Variants in SCAF8 observed in about 807,000 individuals in gnomAD.
SCAF8 encodes SR-related CTD associated factor 8.
SCAF8 carries 23 observed loss-of-function variants against 140.5 expected under a neutral mutation model. The ratio of observed to expected loss-of-function variants is 0.16; its 90% CI spans 0.12 to 0.23. The LOEUF (loss-of-function observed/expected upper bound fraction) is 0.23, where lower values mean the gene tolerates loss of function less well. Among genes scored for constraint, SCAF8 ranks in the 10% least tolerant of loss-of-function variants. SCAF8 has a pLI of 1.00. For missense variants in SCAF8, 1,397 were observed against 1,555.7 expected, an observed-to-expected ratio of 0.90 and a Z score of 1.72; for synonymous variants, 575 against 528.9, an observed-to-expected ratio of 1.09 and a Z score of -1.20.
chr6:154,794,759 T>G (rs1404174066), intron 5 of SCAF8, among the ~76,000 whole-genome samples: 11 of 9,878 alleles, frequency 1.1e-3, no homozygotes, highest in Non-Finnish European at 1.5e-3. Context: ...ATCCTTTTGG[T>G]GGGGGGGGGG....
intron 1 of SCAF8, among the ~76,000 whole-genome samples, chr6:154,768,187 T>C (rs1052325035): frequency 6.6e-6 from 1 of 152,152 alleles, no homozygotes; most frequent in Non-Finnish European, 1.5e-5. Flanking sequence ...CTTGAAAAGG[T>C]GGGCAACTGC....
At chr6:154,748,157 A>G (rs182443637) in intron 1 of SCAF8, among the ~76,000 whole-genome samples, 17 of 152,194 alleles carry the variant, frequency 1.1e-4, no homozygotes, top group East Asian at 7.7e-4. Context: ...TATGATTTCA[A>G]TGTGTTACTG....
chr6:154,766,850 A>G (rs1227107836), intron 1 of SCAF8, among the ~76,000 whole-genome samples: 2 of 151,924 alleles, frequency 1.3e-5, no homozygotes, highest in Non-Finnish European at 2.9e-5. Context: ...GTGGTATAAT[A>G]CTTCCAGACT....
chr6:154,771,114 G>C (rs1309864111), intron 1 of SCAF8, among the ~76,000 whole-genome samples: 1 of 152,182 alleles, frequency 6.6e-6, no homozygotes, highest in Non-Finnish European at 1.5e-5. Context: ...CTGTCAGTCA[G>C]CATCACCCTG....
chr6:154,778,448 C>T (rs1163078389), intron 3 of SCAF8, among the ~76,000 whole-genome samples: 4 of 151,952 alleles, frequency 2.6e-5, no homozygotes, highest in Non-Finnish European at 5.9e-5. Flanking sequence ...TTTTAAAATT[C>T]TTGTTTTCTC....
intron 3 of SCAF8, among the ~76,000 whole-genome samples, chr6:154,785,319 A>G (rs1777220655): frequency 6.6e-6 from 1 of 152,204 alleles, no homozygotes; most frequent in South Asian, 2.1e-4. Context: ...TACATATGTA[A>G]GGTAATAAAT....
chr6:154,781,413 C>T (rs1554260336), intron 3 of SCAF8, among the ~76,000 whole-genome samples: 1 of 152,142 alleles, frequency 6.6e-6, no homozygotes, highest in Non-Finnish European at 1.5e-5. Context: ...GGCCATACTG[C>T]CCAAAGTAAT....
chr6:154,832,743 A>G lies in SCAF8; in HGVS notation c.3164A>G (p.Asp1055Gly), dbSNP rs61750854. ...PREGPGRPPLDGRDHFGRPPV... is the reference protein window; with the variant it reads ...PREGPGRPPLGGRDHFGRPPV... ...GAAGGTCCTGGACGGCCTCCACTAG[A>G]TGGTAGGGATCATTTTGGAAGACCT... Residue 1055 changes from aspartate (D) to glycine (G), a missense_variant, in exon 20 of 20, where the codon GAT (aspartate) becomes GGT (glycine). Asp to Gly is a moderately conservative substitution (Grantham distance 94). This residue lies in a region of SCAF8 where 930 missense variants were observed against 874.6 expected (regional missense o/e 1.06). Coordinates refer to ENST00000367178, the MANE Select transcript of SCAF8 (RefSeq NM_014892.5). 30 of 1,613,794 alleles carry G rather than the reference A, an allele frequency of 1.9e-5. No homozygotes were observed. In the Middle Eastern group the frequency reaches 9.9e-4, roughly 53 times the overall value.
chr6:154,739,389 A>G (rs1314441666), intron 1 of SCAF8, among the ~76,000 whole-genome samples: 1 of 152,258 alleles, frequency 6.6e-6, no homozygotes, highest in Non-Finnish European at 1.5e-5. Context: ...TAAATCTTTA[A>G]TATAATAAAA....
Position 154,828,898 on chromosome 6 carries a change from T to TTTTCA in SCAF8, c.2140+1662_2140+1666dup, listed in dbSNP as rs372829661. Among the ~76,000 whole-genome samples the TTTTCA allele has an allele frequency of 2.9e-3, 435 of 152,366 alleles. 3 individuals carry two copies. The highest frequency in any genetic ancestry group is 0.01 in the African/African-American group (425 of 41,582). On this transcript the variant is annotated intron_variant, in intron 18 of 19. Transcript: ENST00000367178. Reference sequence around the variant, plus strand: ...ATACTGAAAACAGTAACGTGATTGCTTTTCATTTTCATACAATATAGACAT... The same window carrying TTTTCA: ...ATACTGAAAACAGTAACGTGATTGCTTTTCATTTCATTTTCATACAATATAGACAT...
intron 1 of SCAF8, among the ~76,000 whole-genome samples, chr6:154,757,285 G>T (rs368437836): frequency 6.6e-6 from 1 of 152,126 alleles, no homozygotes; most frequent in Non-Finnish European, 1.5e-5. Flanking sequence ...ATGAGCCACC[G>T]TGCCCAGCCA....
chr6:154,801,323 T>A (rs1777765764), intron 6 of SCAF8, among the ~76,000 whole-genome samples: 2 of 151,432 alleles, frequency 1.3e-5, no homozygotes, highest in South Asian at 4.1e-4. Flanking sequence ...TCTTTATTTT[T>A]CTCTTTTAAA....
At position 154,805,498 on chromosome 6, in the gene SCAF8, C is replaced by T; in HGVS notation, c.981+12C>T. On this transcript the variant is annotated intron_variant, in intron 9 of 19. Coordinates refer to ENST00000367178, the MANE Select transcript of SCAF8 (RefSeq NM_014892.5). ...AACAGCCTCAAAAGGTTTATAACCC[C>T]ATCTTGTGGTCTTTAGAGTTATTAC... 6.8e-7 allele frequency: 1 copy of T among 1,471,864 alleles called. No individual in the cohort carries two copies. Among genetic ancestry groups the T allele is most frequent in the South Asian group, 1.2e-5 (1 of 83,278 alleles). 91.2% of individuals were successfully genotyped at this position (1,471,864 alleles called of 1,614,324 possible). A position where few individuals can be genotyped will look rare whatever the true frequency, so the allele number is the denominator to read the frequency against.
intron 13 of SCAF8, among the ~76,000 whole-genome samples, chr6:154,817,417 A>T (rs904657680): frequency 5.3e-5 from 8 of 152,246 alleles, no homozygotes; most frequent in African/African-American, 1.7e-4. Context: ...CATAGTACTT[A>T]TAAATAATAA....
chr6:154,773,945 C>T (rs1409701736), intron 1 of SCAF8, 44 bp from the exon 2 acceptor site: 5 of 1,214,638 alleles, frequency 4.1e-6, no homozygotes, highest in Non-Finnish European at 6.0e-6. Flanking sequence ...CATGTAATTG[C>T]TTGGAGAGTT....
At chr6:154,790,841 T>C (rs953498635) in intron 4 of SCAF8, among the ~76,000 whole-genome samples, 7 of 151,384 alleles carry the variant, frequency 4.6e-5, no homozygotes, top group Non-Finnish European at 1.0e-4. Context: ...AGCCTCTGTC[T>C]TTTTTTTTCC....
intron 1 of SCAF8, among the ~76,000 whole-genome samples, chr6:154,761,570 G>T (rs1776403469): frequency 6.6e-6 from 1 of 152,150 alleles, no homozygotes; most frequent in South Asian, 2.1e-4. Context: ...AAAGGGAGGA[G>T]CTTTGGCTTT....
At chr6:154,766,413 T>C (rs1407932700) in intron 1 of SCAF8, among the ~76,000 whole-genome samples, 1 of 152,222 alleles carries the variant, frequency 6.6e-6, no homozygotes, top group East Asian at 1.9e-4. Flanking sequence ...GCCTGTGTCA[T>C]AGGAGGGTTT....
chr6:154,756,921 G>T (rs918143357), intron 1 of SCAF8, among the ~76,000 whole-genome samples: 3 of 152,034 alleles, frequency 2.0e-5, no homozygotes, highest in Non-Finnish European at 4.4e-5. Context: ...CCAGCTACTC[G>T]GGAGGCTGAG....
Sources: allele counts gnomAD v4.1 joint callset (sites outside exome capture counted in the v4.1 genomes callset), GRCh38; gene constraint gnomAD v4.1.1; regional missense constraint gnomAD v4.1.1; transcripts MANE v1.5; gene names NCBI Gene and HGNC (gene_info 2026-07-23, HGNC 2026-07-21).